The following DPP9 variants were observed in gnomAD, a reference collection of about 807,000 sequenced individuals.
The protein encoded by DPP9 is dipeptidyl peptidase IV-related protein-2.
Under a neutral mutation model 110.7 loss-of-function variants are expected in DPP9, and 50 were observed. The observed-to-expected ratio is 0.45, with a 90% CI of 0.36 to 0.57. DPP9 has a LOEUF of 0.57. Ranked by LOEUF, DPP9 falls within the 20% of genes least tolerant of loss-of-function variation. DPP9 has a pLI of 0.00. For synonymous variants in DPP9, 561 were observed against 514.4 expected (o/e 1.09, Z -1.23); for missense variants, 1,022 against 1,217.9 (o/e 0.84, Z 2.39).
intron 7 of DPP9, among the ~76,000 whole-genome samples, chr19:4,703,654 A>AACTGCACTCCCACC (rs2092424926): frequency 6.7e-6 from 1 of 148,234 alleles, no homozygotes; most frequent in Non-Finnish European, 1.5e-5. Context: ...GCACTCCCAC[A>AACTGCACTCCCACC]TGGGTGAGAC....
rs797009178 is a variant in DPP9 at position 4,695,009 on chromosome 19, GGCATGGTGGT to G, written c.1354-196_1354-187del. On this transcript the variant is annotated intron_variant, in intron 12 of 21. Coordinates refer to ENST00000262960, the MANE Select transcript of DPP9 (RefSeq NM_139159.5). This position sits in a 1 kb window ranked among gnomAD's most constrained non-coding sequence, Gnocchi z 4.7. ...TAAAAATAAATAAATAAATTAGCCA[GGCATGGTGGT>G]GCAGGCTTGTGGTCCTAGCTACTCT... 3 of 635,240 alleles carry G rather than the reference GGCATGGTGGT, an allele frequency of 4.7e-6. No homozygotes were observed. The African/African-American group carries it at 5.5e-5, about 12-fold the overall frequency. The allele number at this position is 635,240 out of a possible 1,614,324, so 39.4% of individuals were successfully genotyped here.
chr19:4,690,360 T>C (rs2091204051), intron 14 of DPP9, among the ~76,000 whole-genome samples: 1 of 152,210 alleles, frequency 6.6e-6, no homozygotes. Flanking sequence ...GGAGAGGGCA[T>C]TGCCCCTGTG....
chr19:4,682,635 G>A lies in DPP9; in HGVS notation c.2474+61C>T, dbSNP rs2090062191. The A allele has an allele frequency of 6.3e-7, 1 of 1,579,820 alleles. No individual in the cohort carries two copies. The highest frequency in any genetic ancestry group is 8.6e-7 in the Non-Finnish European group (1 of 1,164,186). ...GCAGGAGGGCACCCTCATAGAGACA[G>A]CTGGTGCCGGGGTGCAGGAGAAGCC... On this transcript the variant is annotated intron_variant, in intron 20 of 21. Transcript: ENST00000262960. This position sits in a 1 kb window ranked among gnomAD's most constrained non-coding sequence, Gnocchi z 7.1.
chr19:4,687,693 G>T lies in DPP9; in HGVS notation c.1885+1064C>A, dbSNP rs1175871640. Among the ~76,000 whole-genome samples, 2 of 152,240 alleles carry T rather than the reference G, an allele frequency of 1.3e-5. No homozygotes were observed. The highest frequency in any genetic ancestry group is 2.9e-5 in the Non-Finnish European group (2 of 68,038). On this transcript the variant is annotated intron_variant, in intron 16 of 21. Coordinates refer to ENST00000262960, the MANE Select transcript of DPP9 (RefSeq NM_139159.5). This position sits in a 1 kb window ranked among gnomAD's most constrained non-coding sequence, Gnocchi z 4.7. ...CATGCCGCTGTGGCCAGGACTGCAG[G>T]GTCCTGGAGAAGGTGAGTGGAAAGC...
At chr19:4,715,505 C>G (rs2093035058) in intron 3 of DPP9, 3 of 152,270 alleles carry the variant, frequency 2.0e-5, no homozygotes, top group Non-Finnish European at 4.4e-5. Flanking sequence ...ATGTCTGTCC[C>G]ATTCACAGCT....
rs765317181 is a variant in DPP9 at position 4,685,569 on chromosome 19, T to C, written c.2031+57A>G. ...TCTACAGCTGGCACTTGAGTGGGGA[T>C]GGGGAGTCCTCGGGTGGATGGTGGG... On this transcript the variant is annotated intron_variant, in intron 17 of 21. Transcript: ENST00000262960. This position sits in a 1 kb window ranked among gnomAD's most constrained non-coding sequence, Gnocchi z 5.8. 5 of 1,480,884 alleles carry C rather than the reference T, an allele frequency of 3.4e-6. No homozygotes were observed. In the Admixed American group the frequency reaches 8.0e-5, roughly 24 times the overall value. 91.7% of individuals were successfully genotyped at this position (1,480,884 alleles called of 1,614,324 possible). A position where few individuals can be genotyped will look rare whatever the true frequency, so the allele number is the denominator to read the frequency against.
chr19:4,698,500 C>T lies in DPP9; in HGVS notation c.1075-849G>A, dbSNP rs2091981141. ...GGTGCGGTGGCTCACACCTGTAATCCCAGCACCTTGAGAGGCTGAGGCAGG... is the reference window on the plus strand; with the variant it reads ...GGTGCGGTGGCTCACACCTGTAATCTCAGCACCTTGAGAGGCTGAGGCAGG... On this transcript the variant is annotated intron_variant, in intron 10 of 21. Transcript: ENST00000262960. This position sits in a 1 kb window ranked among gnomAD's most constrained non-coding sequence, Gnocchi z 4.2. Among the ~76,000 whole-genome samples the T allele has an allele frequency of 6.6e-6, 1 of 152,144 alleles. No homozygotes were observed. The highest frequency in any genetic ancestry group is 2.1e-4 in the South Asian group (1 of 4,836).
intron 3 of DPP9, among the ~76,000 whole-genome samples, chr19:4,715,019 CTTTTTTTTTTTTTTT>C (rs59314200): frequency 4.4e-5 from 3 of 68,608 alleles, no homozygotes; most frequent in Non-Finnish European, 2.5e-5. Context: ...TATATATATA[CTTTTTTTTTTTTTTT>C]TTTTTTTTTT....
In DPP9 at chr19:4,679,817, C is replaced by T. The variant is rs1316544828; in HGVS notation, c.2586+18G>A. On this transcript the variant is annotated intron_variant, in intron 21 of 21. Coordinates refer to ENST00000262960, the MANE Select transcript of DPP9 (RefSeq NM_139159.5). ...CTGTCGGCTCGCGGAGGGGCCGAAGCCCCCAACAGCCACCCACCTGGAGCT... is the reference window on the plus strand; with the variant it reads ...CTGTCGGCTCGCGGAGGGGCCGAAGTCCCCAACAGCCACCCACCTGGAGCT... The T allele has an allele frequency of 6.4e-7, 1 of 1,570,738 alleles. No individual in the cohort carries two copies. The highest frequency in any genetic ancestry group is 8.7e-7 in the Non-Finnish European group (1 of 1,153,910).
In DPP9 at chr19:4,704,032, T is replaced by G. The variant is rs2092446692; in HGVS notation, c.623A>C (p.Glu208Ala). The G allele has an allele frequency of 1.2e-6, 2 of 1,613,852 alleles. No individual in the cohort carries two copies. The highest frequency in any genetic ancestry group is 1.7e-6 in the Non-Finnish European group (2 of 1,179,870). Reference protein sequence around the residue: ...GFMVSPMKPLEIKTQCSGPRM... With the variant: ...GFMVSPMKPLAIKTQCSGPRM... ...GGGCCCTGAGCACTGGGTCTTGATT[T>G]CCAGCGGTTTCATAGGGGACACCTG... is the stretch of plus-strand genomic sequence containing the variant. Residue 208 changes from glutamate to alanine, a missense_variant, in exon 7 of 22, where the codon GAA becomes GCA. By Grantham distance (107) the Glu-to-Ala change is moderately radical. Coordinates refer to ENST00000262960, the MANE Select transcript of DPP9 (RefSeq NM_139159.5). This position sits in a 1 kb window ranked among gnomAD's most constrained non-coding sequence, Gnocchi z 6.0.
At chr19:4,677,873 G>C (rs1386292056) in intron 21 of DPP9, among the ~76,000 whole-genome samples, 1 of 152,222 alleles carries the variant, frequency 6.6e-6, no homozygotes, top group Non-Finnish European at 1.5e-5. Context: ...CCAAGCCCAA[G>C]GCCCGGCATG....
Position 4,684,686 on chromosome 19 carries a change from C to T in DPP9, c.2155G>A (p.Glu719Lys), listed in dbSNP as rs1357247710. The T allele has an allele frequency of 3.7e-6, 6 of 1,612,962 alleles. No individual in the cohort carries two copies. Among genetic ancestry groups the T allele is most frequent in the Admixed American group, 1.7e-5 (1 of 59,910 alleles). Residue 719 changes from glutamate to lysine, a missense_variant, in exon 18 of 22, where the codon GAA (glutamate) becomes AAA (lysine). Glu to Lys is a moderately conservative substitution (Grantham distance 56). Coordinates refer to ENST00000262960, the MANE Select transcript of DPP9 (RefSeq NM_139159.5). This position sits in a 1 kb window ranked among gnomAD's most constrained non-coding sequence, Gnocchi z 4.8. ...ACCATTTGGTTTTTCAGGGCCCCTT[C>T]GAACCGAAGCCCTCGCTGACAGGAG... ...RGSCQRGLRF[E>K]GALKNQMGQV...
At position 4,707,838 on chromosome 19, in the gene DPP9, A is replaced by C. The variant is rs182916655; in HGVS notation, c.314-1868T>G. On this transcript the variant is annotated intron_variant, in intron 4 of 21. Coordinates refer to ENST00000262960, the MANE Select transcript of DPP9 (RefSeq NM_139159.5). ...ATGGGGTTTTACCATGTTGGCCAGG[A>C]TGGTCTCGAACTCCTGACCTCAGGT... 2.6e-5 allele frequency among the ~76,000 whole-genome samples: 4 copies of C among 151,056 alleles called. No individual in the cohort carries two copies. The East Asian group carries it at 7.8e-4, about 30-fold the overall frequency.
intron 13 of DPP9, among the ~76,000 whole-genome samples, chr19:4,691,582 T>C (rs1599890023): frequency 7.6e-6 from 1 of 132,154 alleles, no homozygotes; most frequent in Admixed American, 8.0e-5. Context: ...CATCTGTGTG[T>C]GGCACGGGAA....
intron 9 of DPP9, 21 bp downstream of exon 9, chr19:4,702,006 T>C: frequency 6.2e-7 from 1 of 1,609,604 alleles, no homozygotes. Flanking sequence ...GCCCAGCCCC[T>C]CACATGTACC....
chr19:4,683,099 G>GCCT (rs758791101), intron 19 of DPP9: 6 of 1,481,594 alleles, frequency 4.0e-6, no homozygotes, highest in South Asian at 3.7e-5. Context: ...CTGCCCGTCT[G>GCCT]CCTCCTCCTC....
At chr19:4,723,262 T>C (rs2146075857) in intron 1 of DPP9, among the ~76,000 whole-genome samples, 1 of 151,966 alleles carries the variant, frequency 6.6e-6, no homozygotes, top group Admixed American at 6.5e-5. Context: ...ATACAGCATT[T>C]GCATGGGGAG....
intron 3 of DPP9, among the ~76,000 whole-genome samples, chr19:4,716,919 C>T (rs1050181761): frequency 6.6e-6 from 1 of 152,132 alleles, no homozygotes; most frequent in African/African-American, 2.4e-5. Context: ...CCGTGCTCTG[C>T]GAGACACCCG....
chr19:4,702,735 A>G lies in DPP9; in HGVS notation c.770-19T>C. ...GATAAACCTAGGGGGAGGGACGGAG[A>G]GCATCAACAAGGGGTGAGCAGCCTG... is the stretch of plus-strand genomic sequence containing the variant. On this transcript the variant is annotated intron_variant, in intron 7 of 21. Transcript: ENST00000262960. 3 of 1,507,916 alleles carry G rather than the reference A, an allele frequency of 2.0e-6. No homozygotes were observed. Among genetic ancestry groups the G allele is most frequent in the Non-Finnish European group, 2.7e-6 (3 of 1,115,436 alleles). The allele number at this position is 1,507,916 out of a possible 1,614,324, so 93.4% of individuals were successfully genotyped here. A position where few individuals can be genotyped will look rare whatever the true frequency, so the allele number is the denominator to read the frequency against.
Sources: allele counts gnomAD v4.1 joint callset (sites outside exome capture counted in the v4.1 genomes callset), GRCh38; gene constraint gnomAD v4.1.1; non-coding constraint Gnocchi (gnomAD v3.1); transcripts MANE v1.5; gene names NCBI Gene and HGNC (gene_info 2026-07-23, HGNC 2026-07-21).